Variants in DENND1B observed in about 807,000 individuals in gnomAD.
The protein encoded by DENND1B is DENN domain containing 1B.
DENND1B carries 59 observed loss-of-function variants against 90.1 expected under a neutral mutation model. That is an observed-to-expected ratio of 0.65 (90% CI 0.53 to 0.81). The LOEUF is 0.81. Ranked by LOEUF, DENND1B falls within the 40% of genes least tolerant of loss-of-function variation. The probability of loss-of-function intolerance (pLI) is 0.00; values close to 1 mark genes in which losing one functional copy is unlikely to be tolerated. For synonymous variants in DENND1B, 337 were observed against 324.6 expected (o/e 1.04, Z -0.41); for missense variants, 862 against 912.6 (o/e 0.94, Z 0.71).
chr1:197,676,830 C>T (rs961170634), intron 3 of DENND1B, among the ~76,000 whole-genome samples: 2 of 151,950 alleles, frequency 1.3e-5, no homozygotes, highest in Non-Finnish European at 2.9e-5. Flanking sequence ...TTTTGGGTTC[C>T]ATACCAGTGT....
chr1:197,627,970 G>A (rs1408778738), intron 10 of DENND1B, among the ~76,000 whole-genome samples: 1 of 152,084 alleles, frequency 6.6e-6, no homozygotes, highest in Non-Finnish European at 1.5e-5. Flanking sequence ...ACTTACAAGG[G>A]ATGTGAAGGA....
At chr1:197,779,514 A>G (rs144372843), upstream of DENND1B, among the ~76,000 whole-genome samples, 2 of 152,110 alleles carry the variant, frequency 1.3e-5, no homozygotes, top group Admixed American at 1.3e-4. Context: ...CTCTGATAAC[A>G]CATGTGTTAT....
At chr1:197,688,852 T>G (rs1657539912) in intron 3 of DENND1B, 2 of 209,876 alleles carry the variant, frequency 9.5e-6, no homozygotes, top group Admixed American at 8.5e-5. Flanking sequence ...TCTATAAATG[T>G]GGTGGAATTG....
intron 7 of DENND1B, among the ~76,000 whole-genome samples, chr1:197,647,367 A>G (rs887873249): frequency 6.6e-6 from 1 of 151,964 alleles, no homozygotes; most frequent in East Asian, 1.9e-4. Flanking sequence ...AATGTTTCAA[A>G]AAAAAGCATT....
In DENND1B at chr1:197,572,650, C is replaced by T. The variant is rs961991905; in HGVS notation, c.1149+10502G>A. On this transcript the variant is annotated intron_variant, in intron 15 of 22. Transcript: ENST00000620048. ...CTCCCTGTAGCCTAACTGGGAGACA[C>T]CTCCCAGTAGGGGCTAACAGACACC... Among the ~76,000 whole-genome samples the T allele has an allele frequency of 3.3e-5, 5 of 152,190 alleles. No homozygotes were observed. In the East Asian group the frequency reaches 5.8e-4, roughly 18 times the overall value.
upstream of DENND1B, among the ~76,000 whole-genome samples, chr1:197,776,412 T>C (rs1026235012): frequency 9.2e-5 from 14 of 152,130 alleles, no homozygotes; most frequent in African/African-American, 3.4e-4. Context: ...AGAAGACAGG[T>C]AGAAAAGTCT....
intron 2 of DENND1B, among the ~76,000 whole-genome samples, chr1:197,753,880 G>A (rs1437196691): frequency 1.3e-5 from 2 of 151,008 alleles, no homozygotes; most frequent in Non-Finnish European, 2.9e-5. Flanking sequence ...CACATCTGTA[G>A]TCCCAGCTAC....
chr1:197,628,428 C>T (rs888597598), intron 10 of DENND1B, among the ~76,000 whole-genome samples: 34 of 151,960 alleles, frequency 2.2e-4, no homozygotes, highest in African/African-American at 7.0e-4. Flanking sequence ...AATGGGGAAA[C>T]GATTCCCTAT....
intron 20 of DENND1B, among the ~76,000 whole-genome samples, chr1:197,526,912 A>T (rs928536967): frequency 1.3e-5 from 2 of 152,166 alleles, no homozygotes; most frequent in Admixed American, 6.5e-5. Flanking sequence ...GGCGCTAAAA[A>T]TTTTTTGTGT....
At chr1:197,632,883 T>C (rs1558331683) in intron 10 of DENND1B, among the ~76,000 whole-genome samples, 1 of 152,048 alleles carries the variant, frequency 6.6e-6, no homozygotes, top group Non-Finnish European at 1.5e-5. Context: ...GAAACTGGGG[T>C]GCTTCTACAT....
At chr1:197,522,656 A>C (rs954949713) in intron 20 of DENND1B, among the ~76,000 whole-genome samples, 25 of 152,150 alleles carry the variant, frequency 1.6e-4, no homozygotes, top group African/African-American at 6.0e-4. Context: ...TAAAACCTGC[A>C]AGAGAATGTC....
At chr1:197,650,014 T>G (rs1397161255) in intron 7 of DENND1B, among the ~76,000 whole-genome samples, 1 of 151,510 alleles carries the variant, frequency 6.6e-6, no homozygotes, top group African/African-American at 2.4e-5. Flanking sequence ...TCAGTAAAAA[T>G]AAACAATCCC....
intron 10 of DENND1B, among the ~76,000 whole-genome samples, chr1:197,635,748 A>C (rs1459316062): frequency 6.6e-6 from 1 of 152,184 alleles, no homozygotes; most frequent in Non-Finnish European, 1.5e-5. Context: ...TCAGAGATGA[A>C]AGATGTTACA....
intron 15 of DENND1B, among the ~76,000 whole-genome samples, chr1:197,562,830 A>G (rs1417290154): frequency 6.6e-6 from 1 of 151,954 alleles, no homozygotes; most frequent in East Asian, 1.9e-4. Context: ...AAAGTTCTTG[A>G]AGGAAATGGA....
chr1:197,634,627 T>A (rs910206570), intron 10 of DENND1B, among the ~76,000 whole-genome samples: 4 of 152,048 alleles, frequency 2.6e-5, no homozygotes, highest in Admixed American at 2.0e-4. Context: ...CATAGACTTT[T>A]AAAAAAAATT....
intron 2 of DENND1B, among the ~76,000 whole-genome samples, chr1:197,717,727 T>G (rs1571482037): frequency 6.6e-6 from 1 of 152,094 alleles, no homozygotes; most frequent in East Asian, 1.9e-4. Context: ...AGCAATATTT[T>G]ATTTTCCCAA....
chr1:197,579,316 T>C (rs1012634687), intron 15 of DENND1B, among the ~76,000 whole-genome samples: 10 of 152,294 alleles, frequency 6.6e-5, no homozygotes, highest in East Asian at 1.9e-4. Context: ...TAGAATTCTA[T>C]GTATTTTTTC....
At chr1:197,772,774 C>T (rs1656783384) in intron 2 of DENND1B, 94 bp downstream of exon 2, 6 of 1,106,292 alleles carry the variant, frequency 5.4e-6, no homozygotes, top group South Asian at 1.6e-5. Context: ...GTGGTGAGCC[C>T]TGATCATGCC....
At chr1:197,601,692 G>A (rs1167671065) in intron 13 of DENND1B, among the ~76,000 whole-genome samples, 1 of 151,540 alleles carries the variant, frequency 6.6e-6, no homozygotes, top group African/African-American at 2.4e-5. Context: ...CTTTAGAATG[G>A]CAGAAGTACA....
Sources: allele counts gnomAD v4.1 joint callset (sites outside exome capture counted in the v4.1 genomes callset), GRCh38; gene constraint gnomAD v4.1.1; transcripts MANE v1.5; gene names NCBI Gene and HGNC (gene_info 2026-07-23, HGNC 2026-07-21).